The following CSMD1 variants were observed in gnomAD, a reference collection of about 807,000 sequenced individuals.
CSMD1 encodes the protein CUB and Sushi multiple domains 1, also known as CUB and sushi domain-containing protein 1.
Under a neutral mutation model 417.5 loss-of-function variants are expected in CSMD1, and 213 were observed. The ratio of observed to expected loss-of-function variants is 0.51; its 90% confidence interval spans 0.46 to 0.57. The LOEUF (loss-of-function observed/expected upper bound fraction) is 0.57, where lower values mean the gene tolerates loss of function less well. CSMD1 is among the 20% of genes least tolerant of loss of function. The probability of loss-of-function intolerance (pLI) is 0.00; values close to 1 mark genes in which losing one functional copy is unlikely to be tolerated. For missense variants in CSMD1, 6,923 were observed against 4,529.7 expected (o/e 1.53, Z -15.17); for synonymous variants, 2,862 against 1,736.8 (o/e 1.65, Z -16.11).
chr8:4,069,365 G>C (rs1370677859), intron 3 of CSMD1, among the ~76,000 whole-genome samples: 1 of 152,148 alleles, frequency 6.6e-6, no homozygotes, highest in Admixed American at 6.5e-5. Context: ...AACCACTGGT[G>C]ATTTTTACTT....
At chr8:3,580,631 G>C (rs918576313) in intron 9 of CSMD1, among the ~76,000 whole-genome samples, 1 of 152,078 alleles carries the variant, frequency 6.6e-6, no homozygotes, top group Non-Finnish European at 1.5e-5. Context: ...CAGGTAAAAA[G>C]TATAAAGCTT....
chr8:4,029,949 T>C (rs1008121025), intron 4 of CSMD1, among the ~76,000 whole-genome samples: 2 of 152,076 alleles, frequency 1.3e-5, no homozygotes, highest in African/African-American at 4.8e-5. Context: ...AGTGGGGCAG[T>C]CAAATCTTAA....
At chr8:4,153,638 C>A (rs2131064240) in intron 3 of CSMD1, among the ~76,000 whole-genome samples, 1 of 152,318 alleles carries the variant, frequency 6.6e-6, no homozygotes, top group Admixed American at 6.5e-5. Context: ...CCTTGCAAGG[C>A]AGCTGACATC....
intron 18 of CSMD1, among the ~76,000 whole-genome samples, chr8:3,387,286 G>A (rs989869589): frequency 8.5e-5 from 13 of 152,190 alleles, no homozygotes; most frequent in African/African-American, 2.9e-4. Context: ...TAAAGTTGAA[G>A]GACAGTTGTT....
At chr8:3,920,528 G>C (rs1377721050) in intron 5 of CSMD1, among the ~76,000 whole-genome samples, 1 of 152,030 alleles carries the variant, frequency 6.6e-6, no homozygotes, top group Non-Finnish European at 1.5e-5. Flanking sequence ...AAGTACGTTT[G>C]GCACGAGTAG....
At chr8:3,095,154 C>T (rs1162142839) in intron 47 of CSMD1, among the ~76,000 whole-genome samples, 3 of 152,074 alleles carry the variant, frequency 2.0e-5, no homozygotes, top group South Asian at 2.1e-4. Flanking sequence ...AATTCAACTA[C>T]TGTGAAACAA....
chr8:3,422,210 G>C (rs984381969), intron 12 of CSMD1, among the ~76,000 whole-genome samples: 2 of 152,106 alleles, frequency 1.3e-5, no homozygotes, highest in African/African-American at 4.8e-5. Context: ...TCACCATGAA[G>C]GGGCTGCTGT....
Position 3,560,028 on chromosome 8 carries a change from G to C in CSMD1, c.1344+14917C>G, listed in dbSNP as rs77149837. 1.1e-3 allele frequency among the ~76,000 whole-genome samples: 172 copies of C among 152,232 alleles called. 1 individual carries two copies. Among genetic ancestry groups the C allele is most frequent in the African/African-American group, 4.0e-3 (167 of 41,546 alleles). On this transcript the variant is annotated intron_variant, in intron 10 of 69. Coordinates refer to ENST00000635120, the MANE Select transcript of CSMD1 (RefSeq NM_033225.6). The stretch of plus-strand genomic sequence containing the variant: ...TGGCCAGCGTAAGGGATTTAGTGTG[G>C]AGGGAATTTGGTGAATGAGAGACAA...
chr8:4,980,774 A>G (rs6987062), intron 1 of CSMD1, among the ~76,000 whole-genome samples: 3,460 of 152,114 alleles, frequency 0.023, 152 homozygotes, highest in African/African-American at 0.08. Context: ...GTGTGGTGGC[A>G]TGGGTCTGTA....
intron 3 of CSMD1, among the ~76,000 whole-genome samples, chr8:4,225,253 C>G (rs1376776276): frequency 6.6e-6 from 1 of 152,160 alleles, no homozygotes. Context: ...GACAAACCAT[C>G]ATTTTCTTCA....
At chr8:4,739,119 T>C (rs1459254142) in intron 1 of CSMD1, among the ~76,000 whole-genome samples, 1 of 152,024 alleles carries the variant, frequency 6.6e-6, no homozygotes, top group Non-Finnish European at 1.5e-5. Context: ...CACACACACA[T>C]ACATGTGAAC....
At chr8:3,485,731 G>A (rs1201807889) in intron 11 of CSMD1, among the ~76,000 whole-genome samples, 3 of 150,300 alleles carry the variant, frequency 2.0e-5, no homozygotes, top group African/African-American at 7.4e-5. Flanking sequence ...CTGCACTACA[G>A]CCTGGGTGAC....
chr8:3,604,050 A>G (rs976447603), intron 8 of CSMD1, among the ~76,000 whole-genome samples: 1 of 152,218 alleles, frequency 6.6e-6, no homozygotes, highest in Non-Finnish European at 1.5e-5. Flanking sequence ...CCTGATATAA[A>G]AGTAAAATTA....
At chr8:4,758,532 G>C (rs1202729293) in intron 1 of CSMD1, among the ~76,000 whole-genome samples, 5 of 152,182 alleles carry the variant, frequency 3.3e-5, no homozygotes, top group African/African-American at 7.2e-5. Context: ...AGGAAGTAGT[G>C]AGAGGCAGAA....
intron 23 of CSMD1, among the ~76,000 whole-genome samples, chr8:3,327,369 G>A (rs941370793): frequency 6.6e-6 from 1 of 152,096 alleles, no homozygotes; most frequent in African/African-American, 2.4e-5. Context: ...TCGTGACCTT[G>A]TGATCTGCCC....
At chr8:4,083,575 A>G (rs1160232968) in intron 3 of CSMD1, among the ~76,000 whole-genome samples, 2 of 152,202 alleles carry the variant, frequency 1.3e-5, no homozygotes, top group Non-Finnish European at 2.9e-5. Context: ...AACCTGACAA[A>G]AAGAAGAAAT....
intron 3 of CSMD1, among the ~76,000 whole-genome samples, chr8:4,324,956 A>C (rs1253732971): frequency 6.6e-6 from 1 of 152,138 alleles, no homozygotes. Flanking sequence ...TTGTATTTGG[A>C]AAGGATATCA....
chr8:3,864,436 G>C (rs1204330118), intron 5 of CSMD1, among the ~76,000 whole-genome samples: 1 of 152,282 alleles, frequency 6.6e-6, no homozygotes, highest in African/African-American at 2.4e-5. Context: ...AAGGAATACA[G>C]TATGAGAAGG....
At chr8:3,861,886 T>A (rs898252569) in intron 5 of CSMD1, among the ~76,000 whole-genome samples, 4 of 152,118 alleles carry the variant, frequency 2.6e-5, no homozygotes, top group Non-Finnish European at 5.9e-5. Flanking sequence ...ACAGTGGAAG[T>A]CATAGCATCC....
Sources: gnomAD v4.1 joint callset for allele counts (sites outside exome capture counted in the v4.1 genomes callset) on GRCh38, gnomAD v4.1.1 for gene constraint, MANE v1.5 for transcripts, NCBI Gene and HGNC (gene_info 2026-07-23, HGNC 2026-07-21) for gene names.